DDIAS: variants seen among roughly 807,000 people sequenced by gnomAD.
The protein encoded by DDIAS is DNA damage-induced apoptosis suppressor protein.
In DDIAS, 14 loss-of-function variants were observed where a neutral mutation model predicts 15.7. The observed-to-expected ratio is 0.89, with a 90% CI of 0.59 to 1.39. DDIAS has a LOEUF of 1.39. Among genes scored for constraint, DDIAS ranks in the 40% most tolerant of loss-of-function variants. The probability of loss-of-function intolerance (pLI) is 0.00; values close to 1 mark genes in which losing one functional copy is unlikely to be tolerated. For missense variants in DDIAS, 1,035 were observed against 1,130.9 expected (o/e 0.92, Z 1.22); for synonymous variants, 355 against 395.9 (o/e 0.90, Z 1.23).
At chr11:82,920,997 G>A (rs1860735373) in intron 3 of DDIAS, among the ~76,000 whole-genome samples, 1 of 152,070 alleles carries the variant, frequency 6.6e-6, no homozygotes, top group African/African-American at 2.4e-5. Flanking sequence ...CACTATTATT[G>A]TGTTGCTGTC....
rs941127975 is a variant in DDIAS at position 82,931,858 on chromosome 11, G to C, written c.520G>C (p.Gly174Arg). Residue 174 changes from glycine to arginine, a missense_variant, in exon 6 of 6, where the codon GGC becomes CGC. By Grantham distance (125) the Gly-to-Arg change is moderately radical. Coordinates refer to ENST00000533655, the MANE Select transcript of DDIAS (RefSeq NM_145018.4). The stretch of plus-strand genomic sequence containing the variant: ...TGTTCTACCAGACCCAGGTATTGCA[G>C]GCTTTACTGTCATTGACTACTTCCA... ...QIVLPDPGIA[G>R]FTVIDYFHQL... 1.2e-6 allele frequency: 2 copies of C among 1,614,188 alleles called. No individual in the cohort carries two copies. The highest frequency in any genetic ancestry group is 1.7e-6 in the Non-Finnish European group (2 of 1,180,028).
chr11:82,912,179 CAA>C (rs1239031963), intron 1 of DDIAS, among the ~76,000 whole-genome samples: 3 of 152,192 alleles, frequency 2.0e-5, no homozygotes, highest in African/African-American at 4.8e-5. Context: ...TCACCCCTAA[CAA>C]GAGAGTTAGC....
chr11:82,932,692 G>A lies in DDIAS; in HGVS notation c.1354G>A (p.Asp452Asn). 6.2e-7 allele frequency: 1 copy of A among 1,614,018 alleles called. No individual in the cohort carries two copies. The highest frequency in any genetic ancestry group is 8.5e-7 in the Non-Finnish European group (1 of 1,180,022). Residue 452 changes from aspartate to asparagine, a missense_variant, in exon 6 of 6, where the codon GAT becomes AAT. Coordinates refer to ENST00000533655, the MANE Select transcript of DDIAS (RefSeq NM_145018.4). ...SRKHHVDNDI[D>N]KFHADHSRLS... is the part of the protein sequence containing the mutation. ...GAAACATCATGTAGATAATGACATT[G>A]ATAAATTTCATGCAGACCACAGCAG... is the stretch of plus-strand genomic sequence containing the variant.
chr11:82,931,610 C>T (rs1396633945), intron 5 of DDIAS, 122 bp from the exon 6 acceptor site: 7 of 804,750 alleles, frequency 8.7e-6, no homozygotes, highest in South Asian at 1.9e-5. Context: ...CTGCCTGCCT[C>T]GGCCTCTCAA....
intron 3 of DDIAS, among the ~76,000 whole-genome samples, chr11:82,922,996 C>T (rs1486499474): frequency 3.3e-5 from 5 of 152,176 alleles, no homozygotes; most frequent in African/African-American, 7.2e-5. Flanking sequence ...TGTCTGGCTC[C>T]GGGGTGGTAT....
intron 3 of DDIAS, among the ~76,000 whole-genome samples, chr11:82,927,120 A>T (rs1290935953): frequency 6.6e-6 from 1 of 152,248 alleles, no homozygotes; most frequent in Non-Finnish European, 1.5e-5. Context: ...AAATGAAATA[A>T]TGTATGTTGA....
At chr11:82,907,418 TAAAG>T (rs1180298198) in intron 1 of DDIAS, among the ~76,000 whole-genome samples, 2 of 152,212 alleles carry the variant, frequency 1.3e-5, no homozygotes, top group African/African-American at 4.8e-5. Context: ...CCTTTGTTAA[TAAAG>T]AAAGACTTTT....
At chr11:82,926,732 T>A (rs892182783) in intron 3 of DDIAS, among the ~76,000 whole-genome samples, 2 of 152,214 alleles carry the variant, frequency 1.3e-5, no homozygotes, top group African/African-American at 4.8e-5. Context: ...ATGATTTGTA[T>A]ACATATTAAT....
chr11:82,909,882 T>G (rs1324767218), intron 1 of DDIAS, among the ~76,000 whole-genome samples: 1 of 152,238 alleles, frequency 6.6e-6, no homozygotes, highest in Non-Finnish European at 1.5e-5. Context: ...ATTATTTATC[T>G]TTCATCTGTA....
At chr11:82,924,063 G>A (rs972485587) in intron 3 of DDIAS, among the ~76,000 whole-genome samples, 6 of 152,064 alleles carry the variant, frequency 3.9e-5, no homozygotes, top group East Asian at 1.9e-4. Flanking sequence ...AGGACTCATC[G>A]CTCAGAGGCT....
At position 82,932,761 on chromosome 11, in the gene DDIAS, C is replaced by T. The variant is rs1861026100; in HGVS notation, c.1423C>T (p.Pro475Ser). 6.2e-7 allele frequency: 1 copy of T among 1,613,856 alleles called. No homozygotes were observed. Among genetic ancestry groups the T allele is most frequent in the Non-Finnish European group, 8.5e-7 (1 of 1,180,002 alleles). Residue 475 changes from proline to serine, a missense_variant, in exon 6 of 6, where the codon CCA becomes TCA. Coordinates refer to ENST00000533655, the MANE Select transcript of DDIAS (RefSeq NM_145018.4). ...PQRTTGALHT[P>S]PIALRSSQVI... ...GAGAACTACTGGAGCCCTGCATACACCACCTATAGCTTTAAGATCATCACA... is the reference window on the plus strand; with the variant it reads ...GAGAACTACTGGAGCCCTGCATACATCACCTATAGCTTTAAGATCATCACA...
In DDIAS at chr11:82,922,507, G is replaced by A. The variant is rs554929949; in HGVS notation, c.114-6270G>A. On this transcript the variant is annotated intron_variant, in intron 3 of 5. Coordinates refer to ENST00000533655, the MANE Select transcript of DDIAS (RefSeq NM_145018.4). ...TTCTATTTGTTCATTTCTATTGCTG[G>A]GACTTTCCAGAGCATTTTGCATTTT... The A allele has an allele frequency of 7.9e-5, 12 of 152,118 alleles. No individual in the cohort carries two copies. The South Asian group carries it at 2.3e-3, about 29-fold the overall frequency. 9.4% of individuals were successfully genotyped at this position (152,118 alleles called of 1,614,324 possible). A position where few individuals can be genotyped will look rare whatever the true frequency, so the allele number is the denominator to read the frequency against.
At chr11:82,917,382 C>T (rs915457895) in intron 3 of DDIAS, among the ~76,000 whole-genome samples, 7 of 151,458 alleles carry the variant, frequency 4.6e-5, no homozygotes, top group African/African-American at 1.7e-4. Flanking sequence ...CCACATATCA[C>T]TGAGAACATA....
At chr11:82,916,138 G>A (rs1860629062) in intron 3 of DDIAS, among the ~76,000 whole-genome samples, 1 of 152,082 alleles carries the variant, frequency 6.6e-6, no homozygotes, top group Non-Finnish European at 1.5e-5. Flanking sequence ...GTGACCTAGG[G>A]CAAGATAGTT....
At chr11:82,919,413 T>C (rs577317053) in intron 3 of DDIAS, among the ~76,000 whole-genome samples, 1 of 152,356 alleles carries the variant, frequency 6.6e-6, no homozygotes, top group Admixed American at 6.5e-5. Flanking sequence ...TTGACTTATG[T>C]ATGTTAAACT....
chr11:82,909,888 C>T (rs577138046), intron 1 of DDIAS, among the ~76,000 whole-genome samples: 42 of 152,268 alleles, frequency 2.8e-4, no homozygotes, highest in Non-Finnish European at 5.3e-4. Context: ...TATCTTTCAT[C>T]TGTAAATTTC....
chr11:82,903,667 CTTA>C (rs755685453), intron 1 of DDIAS, among the ~76,000 whole-genome samples: 2 of 152,086 alleles, frequency 1.3e-5, no homozygotes, highest in Non-Finnish European at 2.9e-5. Flanking sequence ...TTTTTAGGGA[CTTA>C]TTATGACTGC....
In DDIAS at chr11:82,934,168, T is replaced by G. The variant is rs1861068563; in HGVS notation, c.2830T>G (p.Trp944Gly). Reference sequence around the variant, plus strand: ...TAAATATAACTGTAAAAGTTCAGGCTGGATTTCCAAATGTCCAGACATTCA... The same window carrying G: ...TAAATATAACTGTAAAAGTTCAGGCGGGATTTCCAAATGTCCAGACATTCA... ...THKYNCKSSG[W>G]ISKCPDIQVL... The change falls in exon 6 of 6, where the codon TGG (tryptophan) becomes GGG (glycine). Residue 944 changes from tryptophan (W) to glycine (G), a missense_variant. Coordinates refer to ENST00000533655, the MANE Select transcript of DDIAS (RefSeq NM_145018.4). 6.2e-7 allele frequency: 1 copy of G among 1,613,818 alleles called. No homozygotes were observed.
chr11:82,906,241 T>C (rs891703752), intron 1 of DDIAS, among the ~76,000 whole-genome samples: 19 of 152,146 alleles, frequency 1.2e-4, no homozygotes, highest in African/African-American at 3.9e-4. Flanking sequence ...TGGGAAGCCT[T>C]TTTGCCATTT....
Sources: gnomAD v4.1 joint callset for allele counts (sites outside exome capture counted in the v4.1 genomes callset) on GRCh38, gnomAD v4.1.1 for gene constraint, MANE v1.5 for transcripts, NCBI Gene and HGNC (gene_info 2026-07-23, HGNC 2026-07-21) for gene names.